The following ENOX1 variants were observed in gnomAD, a reference collection of about 807,000 sequenced individuals.
ENOX1 encodes ecto-NOX disulfide-thiol exchanger 1.
ENOX1 carries 42 observed loss-of-function variants against 82.5 expected under a neutral mutation model. The observed-to-expected ratio is 0.51, with a 90% CI of 0.40 to 0.66. The LOEUF (loss-of-function observed/expected upper bound fraction) is 0.66. ENOX1 is among the 30% of genes least tolerant of loss of function. The pLI, the probability that ENOX1 is intolerant of heterozygous loss-of-function variation, is 0.00. For synonymous variants in ENOX1, 271 were observed against 282.2 expected (o/e 0.96, Z 0.40); for missense variants, 608 against 811.6 (o/e 0.75, Z 3.05).
At chr13:43,677,075 A>C (rs1471622285) in intron 1 of ENOX1, among the ~76,000 whole-genome samples, 1 of 151,800 alleles carries the variant, frequency 6.6e-6, no homozygotes, top group Non-Finnish European at 1.5e-5. Flanking sequence ...TCTGCCCTAC[A>C]GAACCCTTTT....
chr13:43,517,246 C>T (rs189902146), intron 2 of ENOX1, among the ~76,000 whole-genome samples: 16 of 152,240 alleles, frequency 1.1e-4, no homozygotes, highest in South Asian at 4.2e-4. Context: ...CCTGTAATCC[C>T]AGCACTTTGG....
chr13:43,680,096 G>T (rs183146794), intron 1 of ENOX1, among the ~76,000 whole-genome samples: 4 of 152,250 alleles, frequency 2.6e-5, no homozygotes, highest in Admixed American at 2.0e-4. Context: ...TTTGTTCATA[G>T]TTATTTCCTC....
intron 2 of ENOX1, among the ~76,000 whole-genome samples, chr13:43,585,600 C>T (rs370768702): frequency 5.3e-5 from 8 of 152,276 alleles, no homozygotes; most frequent in African/African-American, 1.4e-4. Flanking sequence ...TTTTTTGAGA[C>T]GGAGTCTCAC....
In ENOX1 at chr13:43,694,471, A is replaced by G. The variant is rs1053880915; in HGVS notation, c.-284-26927T>C. On this transcript the variant is annotated intron_variant, in intron 1 of 16. Transcript: ENST00000690772. ...GTCACTTTGCCAGGACACTCACACA[A>G]TGCAATTCACACAAGTCAGTCCTTC... 6.8e-4 allele frequency among the ~76,000 whole-genome samples: 104 copies of G among 152,246 alleles called. 1 individual carries two copies. The highest frequency in any genetic ancestry group is 2.9e-4 in the Non-Finnish European group (20 of 67,996).
At chr13:43,598,125 C>T (rs1594027374) in intron 2 of ENOX1, among the ~76,000 whole-genome samples, 1 of 152,202 alleles carries the variant, frequency 6.6e-6, no homozygotes, top group South Asian at 2.1e-4. Context: ...CTCATCTCTT[C>T]CCAGCTCCCA....
At chr13:43,446,502 C>T (rs1466129018) in intron 3 of ENOX1, among the ~76,000 whole-genome samples, 1 of 151,964 alleles carries the variant, frequency 6.6e-6, no homozygotes, top group Non-Finnish European at 1.5e-5. Context: ...TCCTTATCTT[C>T]TAGAATGCTT....
intron 15 of ENOX1, among the ~76,000 whole-genome samples, chr13:43,231,710 C>G (rs2042290995): frequency 6.6e-6 from 1 of 152,164 alleles, no homozygotes; most frequent in Non-Finnish European, 1.5e-5. Flanking sequence ...TAAGTAGCTC[C>G]TTCTCTGTGT....
intron 2 of ENOX1, among the ~76,000 whole-genome samples, chr13:43,603,364 T>TTTTATTTATTTTATTTA (rs1242798775): frequency 8.7e-6 from 1 of 114,898 alleles, no homozygotes; most frequent in Non-Finnish European, 1.6e-5. Context: ...TTTTTTTTCC[T>TTTTATTTATTTTATTTA]TTTATTTATT....
At chr13:43,634,976 C>A (rs911956371) in intron 2 of ENOX1, among the ~76,000 whole-genome samples, 1 of 152,086 alleles carries the variant, frequency 6.6e-6, no homozygotes, top group Admixed American at 6.5e-5. Context: ...GGTATTAATT[C>A]CCCCAAGGAC....
At chr13:43,292,255 T>C (rs1177455125) in intron 12 of ENOX1, among the ~76,000 whole-genome samples, 4 of 152,148 alleles carry the variant, frequency 2.6e-5, no homozygotes, top group Non-Finnish European at 5.9e-5. Context: ...AAGATAATGA[T>C]TAGAGGACAA....
At chr13:43,653,067 T>A (rs2084268786) in intron 2 of ENOX1, among the ~76,000 whole-genome samples, 1 of 152,208 alleles carries the variant, frequency 6.6e-6, no homozygotes, top group Non-Finnish European at 1.5e-5. Context: ...AGAGTCCCTC[T>A]CTGGGAGTAT....
chr13:43,737,543 C>A (rs1296398538), intron 1 of ENOX1, among the ~76,000 whole-genome samples: 2 of 152,178 alleles, frequency 1.3e-5, no homozygotes, highest in Admixed American at 1.3e-4. Flanking sequence ...TAGATGGGAA[C>A]CCTTCCTCAG....
At chr13:43,701,217 T>C (rs76563865) in intron 1 of ENOX1, among the ~76,000 whole-genome samples, 6,452 of 152,298 alleles carry the variant, frequency 0.042, 120 homozygotes, top group East Asian at 0.064. Context: ...AATAAAGAGA[T>C]GTACTTTTTG....
intron 3 of ENOX1, among the ~76,000 whole-genome samples, chr13:43,427,761 A>C (rs1201211740): frequency 2.6e-5 from 4 of 152,230 alleles, no homozygotes; most frequent in African/African-American, 9.6e-5. Context: ...TGAACTTGCT[A>C]TAGCATGGCA....
chr13:43,247,860 TATATATATATATA>T (rs1566329411), intron 14 of ENOX1, among the ~76,000 whole-genome samples: 67 of 3,944 alleles, frequency 0.017, 5 homozygotes, highest in Middle Eastern at 0.083. Context: ...TATATATATA[TATATATATATATA>T]TATATATATA....
intron 2 of ENOX1, among the ~76,000 whole-genome samples, chr13:43,569,509 T>G (rs1388421752): frequency 6.6e-6 from 1 of 152,192 alleles, no homozygotes; most frequent in Non-Finnish European, 1.5e-5. Context: ...TTGACTTCAT[T>G]GTAGCTCACA....
intron 2 of ENOX1, among the ~76,000 whole-genome samples, chr13:43,550,314 G>A (rs1593769977): frequency 6.6e-6 from 1 of 152,144 alleles, no homozygotes; most frequent in African/African-American, 2.4e-5. Context: ...GCTGTGTGAG[G>A]CATGGTGCTG....
At chr13:43,226,025 T>C (rs1325669296) in intron 15 of ENOX1, among the ~76,000 whole-genome samples, 4 of 152,102 alleles carry the variant, frequency 2.6e-5, no homozygotes, top group African/African-American at 9.7e-5. Context: ...AGTGGAAAAA[T>C]AGCCACTTTT....
chr13:43,609,861 T>C, intron 2 of ENOX1: 1 of 933,994 alleles, frequency 1.1e-6, no homozygotes, highest in Non-Finnish European at 1.3e-6. Flanking sequence ...AGAAAAACAT[T>C]AATCTACTAC....
Sources: allele counts gnomAD v4.1 joint callset (sites outside exome capture counted in the v4.1 genomes callset), GRCh38; gene constraint gnomAD v4.1.1; transcripts MANE v1.5; gene names NCBI Gene and HGNC (gene_info 2026-07-23, HGNC 2026-07-21).